DYM: variants seen among roughly 807,000 people sequenced by gnomAD.
DYM encodes dymeclin.
Under a neutral mutation model 93.1 loss-of-function variants are expected in DYM, and 78 were observed. That is an observed-to-expected ratio of 0.84 (90% CI 0.70 to 1.01). The LOEUF (loss-of-function observed/expected upper bound fraction) is 1.01, where lower values mean the gene tolerates loss of function less well. Among genes scored for constraint, DYM ranks in the 50% least tolerant of loss-of-function variants. DYM has a pLI of 0.00. For missense variants in DYM, 789 were observed against 845.0 expected, an observed-to-expected ratio of 0.93 and a Z score of 0.82; for synonymous variants, 321 against 319.7, an observed-to-expected ratio of 1.00 and a Z score of -0.04.
At chr18:49,217,765 G>A (rs888341226) in intron 13 of DYM, among the ~76,000 whole-genome samples, 10 of 152,106 alleles carry the variant, frequency 6.6e-5, no homozygotes, top group Admixed American at 3.9e-4. Flanking sequence ...CACTAAACAT[G>A]GAAAGGAACA....
At chr18:49,332,880 T>A (rs1030554087) in intron 7 of DYM, among the ~76,000 whole-genome samples, 4 of 152,202 alleles carry the variant, frequency 2.6e-5, no homozygotes, top group South Asian at 2.1e-4. Flanking sequence ...AGTCCCACGA[T>A]GCCAGCACTA....
chr18:49,326,970 T>C (rs1272491914), intron 8 of DYM, among the ~76,000 whole-genome samples: 1 of 142,478 alleles, frequency 7.0e-6, no homozygotes, highest in Non-Finnish European at 1.5e-5. Context: ...ATGTAACTTA[T>C]CCTCAAATGA....
At chr18:49,433,851 G>C (rs932174520) in intron 1 of DYM, among the ~76,000 whole-genome samples, 10 of 152,056 alleles carry the variant, frequency 6.6e-5, no homozygotes, top group African/African-American at 2.4e-4. Flanking sequence ...CTGGGCGACA[G>C]AGTGAAACTC....
intron 1 of DYM, among the ~76,000 whole-genome samples, chr18:49,458,826 G>A (rs1272231942): frequency 2.0e-5 from 3 of 152,128 alleles, no homozygotes; most frequent in African/African-American, 4.8e-5. Flanking sequence ...ATGACAGAGC[G>A]AGACTCTGCC....
At chr18:49,289,949 T>C (rs1235982461) in intron 8 of DYM, among the ~76,000 whole-genome samples, 2 of 151,336 alleles carry the variant, frequency 1.3e-5, no homozygotes, top group Non-Finnish European at 2.9e-5. Context: ...CTCAGTAGTA[T>C]CAGTAAAGGT....
At chr18:49,414,115 G>A (rs1205708483) in intron 2 of DYM, among the ~76,000 whole-genome samples, 1 of 152,070 alleles carries the variant, frequency 6.6e-6, no homozygotes, top group African/African-American at 2.4e-5. Context: ...ACCCAGAGTA[G>A]TCAAATTCAT....
chr18:49,453,501 G>C (rs2082710196), intron 1 of DYM, among the ~76,000 whole-genome samples: 1 of 152,126 alleles, frequency 6.6e-6, no homozygotes, highest in South Asian at 2.1e-4. Context: ...CCCACCAGAA[G>C]GAAGAAACTC....
At chr18:49,069,087 C>A (rs1316937500) in intron 17 of DYM, among the ~76,000 whole-genome samples, 1 of 152,150 alleles carries the variant, frequency 6.6e-6, no homozygotes, top group Non-Finnish European at 1.5e-5. Context: ...CCTCATTTGA[C>A]AACACATTAG....
intron 17 of DYM, among the ~76,000 whole-genome samples, chr18:49,064,133 C>T (rs1032151149): frequency 6.6e-6 from 1 of 152,184 alleles, no homozygotes; most frequent in African/African-American, 2.4e-5. Flanking sequence ...TGAGAGTTTA[C>T]AATTTATAAA....
intron 8 of DYM, among the ~76,000 whole-genome samples, chr18:49,289,741 AT>A (rs2059932204): frequency 3.4e-5 from 1 of 29,096 alleles, no homozygotes; most frequent in South Asian, 1.3e-3. Flanking sequence ...ATATATATAT[AT>A]ATATATATAT....
rs1599275358 is a variant in DYM at position 49,039,244 on chromosome 18, C to T, written c.*4811G>A. On this transcript the variant is annotated 3_prime_UTR_variant, in exon 18 of 18. Transcript: ENST00000675505. ...TAAAAGGCAGTATTTCACTGTCTTC[C>T]ATTGTTTCTGCTGAGAAGGAGCTGT... Among the ~76,000 whole-genome samples, 2 of 152,260 alleles carry T rather than the reference C, an allele frequency of 1.3e-5. No individual in the cohort carries two copies. The highest frequency in any genetic ancestry group is 3.9e-4 in the East Asian group (2 of 5,190).
At chr18:49,223,681 T>G (rs2093436116) in intron 13 of DYM, among the ~76,000 whole-genome samples, 1 of 151,986 alleles carries the variant, frequency 6.6e-6, no homozygotes, top group Non-Finnish European at 1.5e-5. Flanking sequence ...TAGATGAGAT[T>G]TTGCCTGAAT....
intron 17 of DYM, among the ~76,000 whole-genome samples, chr18:49,079,751 CAGA>C (rs1367023774): frequency 6.6e-6 from 1 of 151,856 alleles, no homozygotes; most frequent in Admixed American, 6.6e-5. Context: ...GATCCCAAGG[CAGA>C]AGAATTTATC....
intron 14 of DYM, among the ~76,000 whole-genome samples, chr18:49,168,605 G>A (rs140177426): frequency 2.9e-3 from 437 of 152,158 alleles, no homozygotes; most frequent in African/African-American, 0.01. Context: ...CAAAAGCCCT[G>A]GACTTTTATT....
At chr18:49,292,312 A>AGG (rs1568187151) in intron 8 of DYM, among the ~76,000 whole-genome samples, 99 of 110,904 alleles carry the variant, frequency 8.9e-4, no homozygotes, top group African/African-American at 2.9e-3. Flanking sequence ...AGACAGACAG[A>AGG]CAGGCAGGCA....
intron 1 of DYM, among the ~76,000 whole-genome samples, chr18:49,442,362 CAG>C (rs1356406585): frequency 3.3e-5 from 5 of 149,716 alleles, no homozygotes; most frequent in African/African-American, 1.2e-4. Flanking sequence ...CTGGGCAACA[CAG>C]AGACATTTTT....
At position 49,362,026 on chromosome 18, in the gene DYM, A is replaced by T. The variant is rs1599677851; in HGVS notation, c.494+1135T>A. Among the ~76,000 whole-genome samples the T allele has an allele frequency of 4.9e-5, 7 of 143,858 alleles. No homozygotes were observed. In the South Asian group the frequency reaches 1.6e-3, roughly 32 times the overall value. 94.4% of individuals were successfully genotyped at this position (143,858 alleles called of 152,430 possible). On this transcript the variant is annotated intron_variant, in intron 6 of 17. Coordinates refer to ENST00000675505, the MANE Select transcript of DYM (RefSeq NM_001353214.3). The stretch of plus-strand genomic sequence containing the variant: ...GGCATAAGCCACTGCATCCGGCCTA[A>T]TTTTTTTTTTTTTTTTTTAAGTAGA...
intron 15 of DYM, among the ~76,000 whole-genome samples, chr18:49,131,471 C>T (rs1371225555): frequency 3.3e-5 from 5 of 152,100 alleles, no homozygotes; most frequent in Non-Finnish European, 5.9e-5. Flanking sequence ...GCAATCCACT[C>T]GCTTTGGCCT....
intron 15 of DYM, chr18:49,126,182 C>T (rs552534056): frequency 5.3e-5 from 8 of 152,258 alleles, no homozygotes; most frequent in South Asian, 2.1e-4. Flanking sequence ...GAATTCCTAC[C>T]GTGTAAGTCG....
Sources: gnomAD v4.1 joint callset for allele counts (sites outside exome capture counted in the v4.1 genomes callset) on GRCh38, gnomAD v4.1.1 for gene constraint, MANE v1.5 for transcripts, NCBI Gene and HGNC (gene_info 2026-07-23, HGNC 2026-07-21) for gene names.